Variants in HERC1 observed in about 807,000 individuals in gnomAD.
The protein encoded by HERC1 is probable E3 ubiquitin-protein ligase HERC1.
A neutral mutation model predicts 554.3 loss-of-function variants in HERC1; 160 were observed. That is an observed-to-expected ratio of 0.29 (90% confidence interval 0.25 to 0.33). The LOEUF is 0.33. Among genes scored for constraint, HERC1 ranks in the 10% least tolerant of loss-of-function variants. The probability of loss-of-function intolerance (pLI) is 1.00; values close to 1 mark genes in which losing one functional copy is unlikely to be tolerated. For synonymous variants in HERC1, 2,175 were observed against 2,131.7 expected (o/e 1.02, Z -0.56); for missense variants, 4,919 against 5,918.5 (o/e 0.83, Z 5.54).
chr15:63,764,172 C>G lies in HERC1; in HGVS notation c.950G>C (p.Ser317Thr). ...TGTTCTGGTTGGTTCTCTCCACTGA[C>G]TCCGATCAGCAGATGAACCCTATAA... Reference protein sequence around the residue: ...RRSLGSSADRSQWREPTRTSD... With the variant: ...RRSLGSSADRTQWREPTRTSD... The change falls in exon 3 of 78, where the codon AGT becomes ACT. Residue 317 changes from serine to threonine, a missense_variant. By Grantham distance (58) the Ser-to-Thr change is moderately conservative. Around this residue, in one of 11 missense-constraint regions of HERC1, gnomAD observed 744 missense variants for 1,090.0 expected, o/e 0.68. Coordinates refer to ENST00000443617, the MANE Select transcript of HERC1 (RefSeq NM_003922.4). 1 of 1,609,770 alleles carries G rather than the reference C, an allele frequency of 6.2e-7. No homozygotes were observed. The highest frequency in any genetic ancestry group is 8.5e-7 in the Non-Finnish European group (1 of 1,177,722).
Position 63,753,018 on chromosome 15 carries a change from C to T in HERC1, c.1842G>A (p.Met614Ile). Residue 614 changes from methionine (M) to isoleucine (I), a missense_variant, in exon 8 of 78, where the codon ATG (methionine) becomes ATA (isoleucine). By Grantham distance (10) the Met-to-Ile change is conservative. Coordinates refer to ENST00000443617, the MANE Select transcript of HERC1 (RefSeq NM_003922.4). The stretch of plus-strand genomic sequence containing the variant: ...TCCCAGCACAAACTTTGCGAATGAA[C>T]ATTCCTTGTAAAGCTTCAATAACTT... ...KPKVIEALQG[M>I]FIRKVCAGSQ... 6.2e-7 allele frequency: 1 copy of T among 1,613,562 alleles called. No homozygotes were observed. Among genetic ancestry groups the T allele is most frequent in the Non-Finnish European group, 8.5e-7 (1 of 1,179,628 alleles).
chr15:63,801,846 C>T (rs1189697448), intron 1 of HERC1, among the ~76,000 whole-genome samples: 7 of 152,138 alleles, frequency 4.6e-5, no homozygotes, highest in Non-Finnish European at 1.0e-4. Flanking sequence ...CCAGCAACTC[C>T]CAAGGCTTTT....
intron 25 of HERC1, among the ~76,000 whole-genome samples, chr15:63,700,708 CAAAAAAAAAAA>C (rs11314964): frequency 4.6e-5 from 3 of 64,592 alleles, no homozygotes; most frequent in South Asian, 7.3e-4. Flanking sequence ...GACCCTGCCT[CAAAAAAAAAAA>C]AAAAAAAAAA....
intron 21 of HERC1, among the ~76,000 whole-genome samples, chr15:63,717,088 C>T (rs2073589002): frequency 6.6e-6 from 1 of 152,030 alleles, no homozygotes; most frequent in African/African-American, 2.4e-5. Context: ...CAGTATAAAG[C>T]ACAAATGAAA....
chr15:63,654,832 G>T (rs984044561), intron 50 of HERC1, among the ~76,000 whole-genome samples: 12 of 150,636 alleles, frequency 8.0e-5, no homozygotes, highest in African/African-American at 2.7e-4. Context: ...CTGCGCCACT[G>T]TACTCCAGCC....
intron 56 of HERC1, 40 bp downstream of exon 56, chr15:63,645,443 T>C (rs1322119484): frequency 6.9e-6 from 10 of 1,458,892 alleles, no homozygotes; most frequent in Non-Finnish European, 9.4e-6. Flanking sequence ...TCTATACCAA[T>C]ATAAAAACTA....
chr15:63,727,862 A>C lies in HERC1; in HGVS notation c.3155-24T>G, dbSNP rs1227463171. 3.1e-6 allele frequency: 5 copies of C among 1,590,668 alleles called. No homozygotes were observed. The highest frequency in any genetic ancestry group is 4.3e-6 in the Non-Finnish European group (5 of 1,161,674). ...ATCTATGAAGGGCAAGAAATTAAAC[A>C]TGGGACAATTGCTTCAAATGAACTT... On this transcript the variant is annotated intron_variant, in intron 16 of 77. Transcript: ENST00000443617. This position sits in a 1 kb window ranked among gnomAD's most constrained non-coding sequence, Gnocchi z 4.3.
chr15:63,686,217 T>G (rs1213162489), intron 34 of HERC1, 142 bp downstream of exon 34: 3 of 587,056 alleles, frequency 5.1e-6, no homozygotes, highest in Non-Finnish European at 8.7e-6. Flanking sequence ...TTCACTTGGT[T>G]TCCATTTATA....
rs1427316929 is a variant in HERC1, at chr15:63,638,394, T to C, written c.12093+17A>G. 1 of 1,605,014 alleles carries C rather than the reference T, an allele frequency of 6.2e-7. No individual in the cohort carries two copies. Among genetic ancestry groups the C allele is most frequent in the Non-Finnish European group, 8.5e-7 (1 of 1,176,950 alleles). On this transcript the variant is annotated intron_variant, in intron 63 of 77. Transcript: ENST00000443617. ...CAGTTCCCATGTTTCTTTTCTATTT[T>C]TTATCCTGTTAGTTACCTGTTGGGC...
chr15:63,795,596 T>C (rs1405064237), intron 1 of HERC1, among the ~76,000 whole-genome samples: 1 of 152,184 alleles, frequency 6.6e-6, no homozygotes, highest in Non-Finnish European at 1.5e-5. Flanking sequence ...CAGCAGTATG[T>C]TTGAAATGCT....
intron 68 of HERC1, among the ~76,000 whole-genome samples, chr15:63,631,543 T>C (rs2068556321): frequency 6.6e-6 from 1 of 152,176 alleles, no homozygotes; most frequent in African/African-American, 2.4e-5. Flanking sequence ...TTCTTCTTTT[T>C]AATCTTTTTT....
At chr15:63,716,539 AACCTTT>A in intron 21 of HERC1, 66 bp from the exon 22 acceptor site, 1 of 1,320,250 alleles carries the variant, frequency 7.6e-7, no homozygotes, top group Non-Finnish European at 1.0e-6. Context: ...AACTTTAAAA[AACCTTT>A]AATTTTTTAT....
intron 51 of HERC1, 139 bp downstream of exon 51, chr15:63,653,980 A>AATTGT: frequency 1.5e-6 from 1 of 650,330 alleles, no homozygotes; most frequent in Admixed American, 2.7e-5. Flanking sequence ...ACATCTTTGT[A>AATTGT]ATTGTGTGCA....
intron 34 of HERC1, among the ~76,000 whole-genome samples, chr15:63,684,853 T>C (rs1595969395): frequency 6.6e-6 from 1 of 151,900 alleles, no homozygotes; most frequent in Non-Finnish European, 1.5e-5. Context: ...ACTAAAAATA[T>C]AAAAAATTAG....
chr15:63,698,766 A>C lies in HERC1; in HGVS notation c.4867T>G (p.Ser1623Ala). 6.2e-7 allele frequency: 1 copy of C among 1,613,872 alleles called. No homozygotes were observed. Among genetic ancestry groups the C allele is most frequent in the Non-Finnish European group, 8.5e-7 (1 of 1,179,814 alleles). The change falls in exon 26 of 78, where the codon TCC becomes GCC. Residue 1623 changes from serine to alanine, a missense_variant. Coordinates refer to ENST00000443617, the MANE Select transcript of HERC1 (RefSeq NM_003922.4). ...TGCTGCTGTTCCATTGCAATGATGGAGGCCTGGGGACTTGTAGACATACTT... is the reference window on the plus strand; with the variant it reads ...TGCTGCTGTTCCATTGCAATGATGGCGGCCTGGGGACTTGTAGACATACTT... Reference protein sequence around the residue: ...EESMSTSPQASIIAMEQQQLR... With the variant: ...EESMSTSPQAAIIAMEQQQLR...
intron 76 of HERC1, among the ~76,000 whole-genome samples, chr15:63,613,046 TA>T (rs1202897411): frequency 1.3e-5 from 2 of 152,072 alleles, no homozygotes; most frequent in African/African-American, 2.4e-5. Context: ...GTGCTCATCG[TA>T]AAAAAAATCT....
intron 74 of HERC1, among the ~76,000 whole-genome samples, chr15:63,619,988 T>A (rs1055242250): frequency 6.6e-6 from 1 of 152,212 alleles, no homozygotes; most frequent in African/African-American, 2.4e-5. Context: ...TGTGTCTCTA[T>A]CTCCTTCAGT....
chr15:63,742,334 C>T (rs917622835), intron 12 of HERC1, among the ~76,000 whole-genome samples: 22 of 152,080 alleles, frequency 1.4e-4, no homozygotes, highest in African/African-American at 5.1e-4. Context: ...ATCTTTTACC[C>T]TGAAGCTCTG....
At chr15:63,656,023 CA>C in intron 49 of HERC1, 64 bp downstream of exon 49, 1 of 1,595,420 alleles carries the variant, frequency 6.3e-7, no homozygotes, top group Non-Finnish European at 8.6e-7. Context: ...TATTTCATTT[CA>C]AAAGGCTCAA....
Sources: allele counts gnomAD v4.1 joint callset (sites outside exome capture counted in the v4.1 genomes callset), GRCh38; gene constraint gnomAD v4.1.1; regional missense constraint gnomAD v4.1.1; non-coding constraint Gnocchi (gnomAD v3.1); transcripts MANE v1.5; gene names NCBI Gene and HGNC (gene_info 2026-07-23, HGNC 2026-07-21).